The following NDUFAF2 variants were observed in gnomAD, a reference collection of about 807,000 sequenced individuals.
The protein encoded by NDUFAF2 is NADH dehydrogenase [ubiquinone] 1 alpha subcomplex assembly factor 2.
Under a neutral mutation model 22.8 loss-of-function variants are expected in NDUFAF2, and 13 were observed. The observed-to-expected ratio is 0.57, with a 90% CI of 0.37 to 0.91. The LOEUF (loss-of-function observed/expected upper bound fraction) is 0.91. Ranked by LOEUF, NDUFAF2 falls within the 40% of genes least tolerant of loss-of-function variation. The pLI is 0.01. For missense variants in NDUFAF2, 162 were observed against 195.2 expected (o/e 0.83, Z 1.01); for synonymous variants, 53 against 64.2 (o/e 0.83, Z 0.84).
rs905718599 is a variant in NDUFAF2 at position 61,143,678 on chromosome 5, CA to C, written c.259-9025del. The stretch of plus-strand genomic sequence containing the variant: ...TAAATAAGCTATGGTTTTGTTCCCA[CA>C]GAAGACTGAAAAAGAACCCAGTTAC... On this transcript the variant is annotated intron_variant, in intron 3 of 3. Coordinates refer to ENST00000296597, the MANE Select transcript of NDUFAF2 (RefSeq NM_174889.5). Among the ~76,000 whole-genome samples the C allele has an allele frequency of 2.0e-3, 306 of 152,156 alleles. 2 individuals carry two copies. Among genetic ancestry groups the C allele is most frequent in the African/African-American group, 7.1e-3 (295 of 41,520 alleles).
chr5:61,092,964 C>G (rs535086901), intron 2 of NDUFAF2, among the ~76,000 whole-genome samples: 1 of 152,308 alleles, frequency 6.6e-6, no homozygotes, highest in South Asian at 2.1e-4. Flanking sequence ...CCCAAAACCT[C>G]AAAAGTAGGG....
chr5:61,138,116 A>C lies in NDUFAF2; in HGVS notation c.259-14588A>C, dbSNP rs752972745. On this transcript the variant is annotated intron_variant, in intron 3 of 3. Coordinates refer to ENST00000296597, the MANE Select transcript of NDUFAF2 (RefSeq NM_174889.5). Reference sequence around the variant, plus strand: ...TGGGAAGCAAGTCCTTCCTTGAAGAAGGGCTTATCCAAATATCTCCATATT... The same window carrying C: ...TGGGAAGCAAGTCCTTCCTTGAAGACGGGCTTATCCAAATATCTCCATATT... 7.2e-5 allele frequency among the ~76,000 whole-genome samples: 11 copies of C among 152,224 alleles called. No homozygotes were observed. The South Asian group carries it at 1.7e-3, about 23-fold the overall frequency.
At chr5:60,990,057 A>T (rs1407651163) in intron 1 of NDUFAF2, among the ~76,000 whole-genome samples, 1 of 152,234 alleles carries the variant, frequency 6.6e-6, no homozygotes, top group Non-Finnish European at 1.5e-5. Context: ...GCACAGAAAG[A>T]CAAACTTCAT....
At position 61,136,043 on chromosome 5, in the gene NDUFAF2, C is replaced by A. The variant is rs372194770; in HGVS notation, c.259-16661C>A. On this transcript the variant is annotated intron_variant, in intron 3 of 3. Coordinates refer to ENST00000296597, the MANE Select transcript of NDUFAF2 (RefSeq NM_174889.5). ...TATATATATATATATATATATATAT[C>A]TAGGGTGGATTGCTTTTTTTCTCAC... Among the ~76,000 whole-genome samples, 626 of 67,830 alleles carry A rather than the reference C, an allele frequency of 9.2e-3. 2 individuals carry two copies. Among genetic ancestry groups the A allele is most frequent in the African/African-American group, 0.022 (316 of 14,388 alleles). 44.5% of individuals were successfully genotyped at this position (67,830 alleles called of 152,430 possible).
intron 3 of NDUFAF2, among the ~76,000 whole-genome samples, chr5:61,134,676 A>T (rs1204705147): frequency 6.6e-6 from 1 of 152,028 alleles, no homozygotes; most frequent in Non-Finnish European, 1.5e-5. Flanking sequence ...ACAGAGTGAG[A>T]CTCTGTCTCA....
chr5:60,950,900 G>T (rs1020640562), intron 1 of NDUFAF2, among the ~76,000 whole-genome samples: 3 of 151,916 alleles, frequency 2.0e-5, no homozygotes, highest in African/African-American at 7.3e-5. Flanking sequence ...CTGTAGTTTT[G>T]CCTTTTCCAG....
chr5:61,082,445 G>T (rs1037751022), intron 2 of NDUFAF2, among the ~76,000 whole-genome samples: 25 of 151,802 alleles, frequency 1.6e-4, no homozygotes, highest in African/African-American at 6.1e-4. Flanking sequence ...TTAGATTCAG[G>T]GGTTCCATGT....
chr5:61,005,120 A>G (rs1160001518), intron 1 of NDUFAF2, among the ~76,000 whole-genome samples: 1 of 151,904 alleles, frequency 6.6e-6, no homozygotes, highest in East Asian at 1.9e-4. Flanking sequence ...CCGGTGTGCG[A>G]TGTTCCCCAC....
intron 3 of NDUFAF2, among the ~76,000 whole-genome samples, chr5:61,101,223 C>A (rs192344078): frequency 6.6e-6 from 1 of 152,034 alleles, no homozygotes; most frequent in African/African-American, 2.4e-5. Context: ...AAGGCAAATT[C>A]CACCCAGGTC....
intron 1 of NDUFAF2, among the ~76,000 whole-genome samples, chr5:60,954,607 C>T (rs1226209071): frequency 4.6e-5 from 7 of 152,074 alleles, no homozygotes; most frequent in Non-Finnish European, 7.4e-5. Flanking sequence ...GAAAATACAA[C>T]TTTTTCCTTT....
At chr5:61,116,889 A>G (rs1030383724) in intron 3 of NDUFAF2, 1 of 152,218 alleles carries the variant, frequency 6.6e-6, no homozygotes. Context: ...TACCTGATAC[A>G]TCTGAACATA....
intron 2 of NDUFAF2, among the ~76,000 whole-genome samples, chr5:61,098,074 G>T (rs1240606657): frequency 2.0e-5 from 3 of 152,096 alleles, no homozygotes; most frequent in Non-Finnish European, 4.4e-5. Flanking sequence ...TTATTTTTAA[G>T]AGATTTATTG....
intron 1 of NDUFAF2, among the ~76,000 whole-genome samples, chr5:60,980,146 C>T (rs983666473): frequency 3.3e-5 from 5 of 152,140 alleles, no homozygotes; most frequent in African/African-American, 1.2e-4. Context: ...AAGATCATAA[C>T]ACCCTTTGAA....
intron 3 of NDUFAF2, among the ~76,000 whole-genome samples, chr5:61,143,718 T>G (rs1057266044): frequency 6.6e-5 from 10 of 152,152 alleles, no homozygotes; most frequent in African/African-American, 2.4e-4. Context: ...GGCCTAAGAC[T>G]GACTCCTGAG....
At chr5:61,127,315 C>T (rs138481660) in intron 3 of NDUFAF2, among the ~76,000 whole-genome samples, 243 of 152,114 alleles carry the variant, frequency 1.6e-3, no homozygotes, top group African/African-American at 3.7e-3. Context: ...ATACCAAAGC[C>T]GGACAGAGAC....
At chr5:61,148,100 C>T (rs2111833245) in intron 3 of NDUFAF2, among the ~76,000 whole-genome samples, 1 of 152,330 alleles carries the variant, frequency 6.6e-6, no homozygotes, top group South Asian at 2.1e-4. Flanking sequence ...TATTCTGGTA[C>T]TCCGCCTAAC....
At chr5:61,086,328 T>A (rs1221173234) in intron 2 of NDUFAF2, among the ~76,000 whole-genome samples, 1 of 152,186 alleles carries the variant, frequency 6.6e-6, no homozygotes, top group Admixed American at 6.6e-5. Context: ...TTTTAAATTT[T>A]GTATTAAAAT....
chr5:61,064,331 C>T (rs248683), intron 1 of NDUFAF2, among the ~76,000 whole-genome samples: 94,848 of 151,920 alleles, frequency 0.62, 30,447 homozygotes, highest in East Asian at 0.94. Flanking sequence ...CAAAAATGGG[C>T]AGATTAATCA....
chr5:61,131,232 C>G (rs1753108107), intron 3 of NDUFAF2, among the ~76,000 whole-genome samples: 1 of 140,454 alleles, frequency 7.1e-6, no homozygotes, highest in Non-Finnish European at 1.5e-5. Flanking sequence ...GTCTCACTTT[C>G]TTTCCCAGGC....
Sources: gnomAD v4.1 joint callset for allele counts (sites outside exome capture counted in the v4.1 genomes callset) on GRCh38, gnomAD v4.1.1 for gene constraint, MANE v1.5 for transcripts, NCBI Gene and HGNC (gene_info 2026-07-23, HGNC 2026-07-21) for gene names.